Variants in FOXP1 observed in about 807,000 individuals in gnomAD.
FOXP1 encodes the protein forkhead box P1.
In FOXP1, 15 loss-of-function variants were observed where a neutral mutation model predicts 98.2. The observed-to-expected ratio is 0.15, with a 90% CI of 0.10 to 0.24. The LOEUF (loss-of-function observed/expected upper bound fraction) is 0.24, where lower values mean the gene tolerates loss of function less well. FOXP1 is among the 10% of genes least tolerant of loss of function. The pLI, the probability that FOXP1 is intolerant of heterozygous loss-of-function variation, is 1.00. For missense variants in FOXP1, 633 were observed against 848.5 expected (o/e 0.75, Z 3.15); for synonymous variants, 371 against 314.5 (o/e 1.18, Z -1.90).
intron 9 of FOXP1, among the ~76,000 whole-genome samples, chr3:71,047,793 G>T (rs1465937167): frequency 3.9e-5 from 6 of 152,198 alleles, no homozygotes; most frequent in Non-Finnish European, 8.8e-5. Context: ...AGGTCTGGTG[G>T]CTTGTCCTGC....
At chr3:71,204,356 G>A (rs1009907545) in intron 5 of FOXP1, among the ~76,000 whole-genome samples, 2 of 152,236 alleles carry the variant, frequency 1.3e-5, no homozygotes, top group Non-Finnish European at 2.9e-5. Flanking sequence ...GCAGTGGGGT[G>A]CAGCTCCACA....
intron 2 of FOXP1, among the ~76,000 whole-genome samples, chr3:71,495,387 A>T (rs562604286): frequency 3.3e-5 from 5 of 152,330 alleles, no homozygotes; most frequent in Admixed American, 6.5e-5. Flanking sequence ...CTAGAATATA[A>T]GCTCAATTAG....
intron 5 of FOXP1, among the ~76,000 whole-genome samples, chr3:71,214,445 G>A (rs1219083150): frequency 2.6e-5 from 4 of 152,062 alleles, no homozygotes; most frequent in Admixed American, 6.5e-5. Flanking sequence ...GGTCAACGGC[G>A]GGACCATCTG....
At chr3:71,099,865 G>A (rs552925359) in intron 7 of FOXP1, among the ~76,000 whole-genome samples, 2 of 152,274 alleles carry the variant, frequency 1.3e-5, no homozygotes, top group South Asian at 4.1e-4. Flanking sequence ...AGATCCTGTG[G>A]CTTTAAAGGA....
chr3:71,106,907 G>A (rs889699599), intron 7 of FOXP1, among the ~76,000 whole-genome samples: 1 of 151,622 alleles, frequency 6.6e-6, no homozygotes, highest in Non-Finnish European at 1.5e-5. Flanking sequence ...CAGAGTAGCT[G>A]GGACTACAGG....
chr3:71,376,552 T>C (rs1236940330), intron 3 of FOXP1, among the ~76,000 whole-genome samples: 3 of 152,224 alleles, frequency 2.0e-5, no homozygotes, highest in African/African-American at 7.2e-5. Flanking sequence ...ATTCATTTAG[T>C]AGAAATACCA....
At chr3:70,986,095 A>T (rs773787497) in intron 14 of FOXP1, among the ~76,000 whole-genome samples, 2 of 152,206 alleles carry the variant, frequency 1.3e-5, no homozygotes, top group Non-Finnish European at 2.9e-5. Flanking sequence ...TCAAAGTTAC[A>T]ATTTTCTAGA....
intron 20 of FOXP1, among the ~76,000 whole-genome samples, chr3:70,964,014 T>C (rs937270198): frequency 2.0e-5 from 3 of 152,170 alleles, no homozygotes; most frequent in East Asian, 3.8e-4. Flanking sequence ...AGCAGGGTAA[T>C]GCATATTGGA....
intron 6 of FOXP1, among the ~76,000 whole-genome samples, chr3:71,165,740 C>T (rs1235987752): frequency 6.6e-6 from 1 of 152,078 alleles, no homozygotes; most frequent in Non-Finnish European, 1.5e-5. Context: ...CTAGACATCA[C>T]CCACCCAGAG....
intron 6 of FOXP1, among the ~76,000 whole-genome samples, chr3:71,135,188 G>A (rs2059760075): frequency 6.7e-6 from 1 of 150,248 alleles, no homozygotes; most frequent in Non-Finnish European, 1.5e-5. Flanking sequence ...GAACCCAGGA[G>A]GTGGAGGTTG....
At chr3:71,016,456 C>T (rs930519399) in intron 11 of FOXP1, among the ~76,000 whole-genome samples, 3 of 152,138 alleles carry the variant, frequency 2.0e-5, no homozygotes, top group African/African-American at 7.2e-5. Context: ...TATATTTCTG[C>T]ATCCAGACTT....
chr3:70,973,586 T>G (rs1437800993), intron 17 of FOXP1, among the ~76,000 whole-genome samples: 3 of 152,134 alleles, frequency 2.0e-5, no homozygotes, highest in African/African-American at 7.2e-5. Flanking sequence ...CTGGGTACAG[T>G]AACAAGCAAG....
chr3:71,416,588 A>ACACG (rs1553877006), intron 3 of FOXP1, among the ~76,000 whole-genome samples: 215 of 147,732 alleles, frequency 1.5e-3, no homozygotes, highest in African/African-American at 5.3e-3. Context: ...ACACACACAC[A>ACACG]CACACGCAAA....
intron 16 of FOXP1, among the ~76,000 whole-genome samples, chr3:70,977,386 T>C (rs147507070): frequency 9.0e-4 from 137 of 152,342 alleles, no homozygotes; most frequent in African/African-American, 3.2e-3. Context: ...GAGATTACTG[T>C]AGCTTGTGAT....
chr3:71,338,992 C>T (rs962238780), intron 4 of FOXP1, among the ~76,000 whole-genome samples: 3 of 152,176 alleles, frequency 2.0e-5, no homozygotes, highest in Non-Finnish European at 4.4e-5. Context: ...AAGAAAACCA[C>T]TAACAGGGTC....
chr3:71,571,067 G>C, intron 2 of FOXP1: 1 of 151,858 alleles, frequency 6.6e-6, no homozygotes, highest in East Asian at 1.9e-4. Flanking sequence ...TTTCTCTCTT[G>C]TCACCAGGTA....
At chr3:71,167,661 C>CA (rs1480566653) in intron 6 of FOXP1, among the ~76,000 whole-genome samples, 2 of 152,174 alleles carry the variant, frequency 1.3e-5, no homozygotes, top group Non-Finnish European at 2.9e-5. Context: ...TGTCTTACTG[C>CA]ACCAATAGCT....
intron 7 of FOXP1, among the ~76,000 whole-genome samples, chr3:71,095,103 G>T (rs2056326723): frequency 6.6e-6 from 1 of 152,230 alleles, no homozygotes; most frequent in African/African-American, 2.4e-5. Flanking sequence ...GAGCTGCGTA[G>T]GCAGCGAAAT....
At chr3:71,055,660 A>G (rs2050521121) in intron 7 of FOXP1, among the ~76,000 whole-genome samples, 1 of 152,204 alleles carries the variant, frequency 6.6e-6, no homozygotes, top group Non-Finnish European at 1.5e-5. Flanking sequence ...TTGTCTTCAT[A>G]CAGAAGAAAC....
Sources: gnomAD v4.1 joint callset for allele counts (sites outside exome capture counted in the v4.1 genomes callset) on GRCh38, gnomAD v4.1.1 for gene constraint, MANE v1.5 for transcripts, NCBI Gene and HGNC (gene_info 2026-07-23, HGNC 2026-07-21) for gene names.